The following HIPK4 variants were observed in gnomAD, a reference collection of about 807,000 sequenced individuals.
The protein encoded by HIPK4 is homeodomain interacting protein kinase 4.
Under a neutral mutation model 44.8 loss-of-function variants are expected in HIPK4, and 26 were observed. The observed-to-expected ratio is 0.58, with a 90% CI of 0.43 to 0.80. The LOEUF (loss-of-function observed/expected upper bound fraction) is 0.80. HIPK4 is among the 30% of genes least tolerant of loss of function. The pLI is 0.00. For synonymous variants in HIPK4, 340 were observed against 355.5 expected, an observed-to-expected ratio of 0.96 and a Z score of 0.49; for missense variants, 729 against 862.6, an observed-to-expected ratio of 0.85 and a Z score of 1.94.
rs2079379969 is a variant in HIPK4 at position 40,389,775 on chromosome 19, T to A, written c.128A>T (p.Lys43Met). 3 of 1,614,070 alleles carry A rather than the reference T, an allele frequency of 1.9e-6. No homozygotes were observed. The highest frequency in any genetic ancestry group is 2.5e-6 in the Non-Finnish European group (3 of 1,180,044). ...TGEMVAIKIL[K>M]NDAYRNRIIK... ...GATGCGGTTGCGGTAGGCGTCATTCTTGAGGATCTTGATGGCCACCATCTC... is the reference window on the plus strand; with the variant it reads ...GATGCGGTTGCGGTAGGCGTCATTCATGAGGATCTTGATGGCCACCATCTC... The change falls in exon 1 of 4, where the codon AAG becomes ATG. Residue 43 changes from lysine to methionine, a missense_variant. Lys to Met is a moderately conservative substitution (Grantham distance 95). Transcript: ENST00000291823. The surrounding 1 kb of genome is among the most constrained non-coding windows in gnomAD (Gnocchi z 4.6).
chr19:40,381,449 CG>C (rs2079336306), intron 2 of HIPK4, among the ~76,000 whole-genome samples: 2 of 152,194 alleles, frequency 1.3e-5, no homozygotes, highest in Non-Finnish European at 2.9e-5. Context: ...AAGGGCTGCC[CG>C]GAATCTCTAG....
chr19:40,379,748 C>G lies in HIPK4; in HGVS notation c.1690G>C (p.Asp564His). The G allele has an allele frequency of 3.1e-6, 5 of 1,611,840 alleles. No individual in the cohort carries two copies. Among genetic ancestry groups the G allele is most frequent in the Non-Finnish European group, 4.2e-6 (5 of 1,179,360 alleles). ...EAERPDPELF[D>H]PSSCPGEWLS... ...CATTCTCCAGGACAGCTGCTGGGGT[C>G]GAAGAGCTCAGGGTCTGGCCTCTGT... Residue 564 changes from aspartate to histidine, a missense_variant, in exon 4 of 4, where the codon GAC (aspartate) becomes CAC (histidine). Physicochemically the swap from Asp to His is moderately conservative, Grantham distance 81. Coordinates refer to ENST00000291823, the MANE Select transcript of HIPK4 (RefSeq NM_144685.5).
Position 40,380,883 on chromosome 19 carries a change from G to A in HIPK4, c.1108C>T (p.Arg370Cys), listed in dbSNP as rs776262262. ...HYYQLSLRSY[R>C]LSLQVEGKPP... ...TTCCCCTCCACTTGCAGCGAGAGGCGGTAGCTGCGCAGCGAGAGCTGGTAG... is the reference window on the plus strand; with the variant it reads ...TTCCCCTCCACTTGCAGCGAGAGGCAGTAGCTGCGCAGCGAGAGCTGGTAG... Residue 370 changes from arginine (R) to cysteine (C), a missense_variant, in exon 3 of 4, where the codon CGC becomes TGC. By Grantham distance (180) the Arg-to-Cys change is radical. Coordinates refer to ENST00000291823, the MANE Select transcript of HIPK4 (RefSeq NM_144685.5). The surrounding 1 kb of genome is among the most constrained non-coding windows in gnomAD (Gnocchi z 4.2). 5 of 1,607,300 alleles carry A rather than the reference G, an allele frequency of 3.1e-6. No individual in the cohort carries two copies. The highest frequency in any genetic ancestry group is 2.2e-5 in the East Asian group (1 of 44,674).
Position 40,389,600 on chromosome 19 carries a change from C to T in HIPK4, c.303G>A (p.Lys101=). The T allele has an allele frequency of 6.2e-7, 1 of 1,614,138 alleles. No individual in the cohort carries two copies. The highest frequency in any genetic ancestry group is 8.5e-7 in the Non-Finnish European group (1 of 1,180,030). The stretch of plus-strand genomic sequence containing the variant: ...CGGGGAGGGGCGCGAAGTTGTTCTC[C>T]TTCTGGAACTCGAAAAGGTTTTGCT... ...LLEQNLFEFQ[K]ENNFAPLPAR... Residue 101 remains lysine (K), a synonymous_variant, in exon 1 of 4, where the codon AAG becomes AAA. Transcript: ENST00000291823. The surrounding 1 kb of genome is among the most constrained non-coding windows in gnomAD (Gnocchi z 4.6).
chr19:40,390,063 C>A lies in HIPK4; in HGVS notation c.-161G>T. 1 of 608,710 alleles carries A rather than the reference C, an allele frequency of 1.6e-6. No individual in the cohort carries two copies. The highest frequency in any genetic ancestry group is 2.9e-6 in the Non-Finnish European group (1 of 344,544). 37.7% of individuals were successfully genotyped at this position (608,710 alleles called of 1,614,324 possible). On this transcript the variant is annotated 5_prime_UTR_variant, in exon 1 of 4. Transcript: ENST00000291823. ...GAGGTTGGCCCCTGCTTCCCTGGCA[C>A]CCCCAAACCCCCAGGCCACACTGTC...
chr19:40,380,045 A>G lies in HIPK4; in HGVS notation c.1669-276T>C, dbSNP rs973394002. Among the ~76,000 whole-genome samples, 1 of 152,072 alleles carries G rather than the reference A, an allele frequency of 6.6e-6. No homozygotes were observed. Among genetic ancestry groups the G allele is most frequent in the Non-Finnish European group, 1.5e-5 (1 of 67,998 alleles). On this transcript the variant is annotated intron_variant, in intron 3 of 3. Coordinates refer to ENST00000291823, the MANE Select transcript of HIPK4 (RefSeq NM_144685.5). The surrounding 1 kb of genome is among the most constrained non-coding windows in gnomAD (Gnocchi z 4.2). ...TTTCTAATTTTTTGGTGCAGACGGG[A>G]TCTCACTATGTTGCCCAGGCTCTTT...
chr19:40,385,526 A>G (rs2079358506), intron 1 of HIPK4, among the ~76,000 whole-genome samples: 1 of 151,946 alleles, frequency 6.6e-6, no homozygotes, highest in Non-Finnish European at 1.5e-5. Flanking sequence ...GTCTTTACTC[A>G]AATGTCACCT....
chr19:40,379,774 G>C lies in HIPK4; in HGVS notation c.1669-5C>G, dbSNP rs749021297. On this transcript the variant is annotated splice_region_variant and splice_polypyrimidine_tract_variant and intron_variant, in intron 3 of 3. Coordinates refer to ENST00000291823, the MANE Select transcript of HIPK4 (RefSeq NM_144685.5). ...GAAGAGCTCAGGGTCTGGCCTCTGT[G>C]GGGGAAGAGAGAGGGGCATCAGCCA... 6.2e-7 allele frequency: 1 copy of C among 1,606,422 alleles called. No homozygotes were observed.
chr19:40,389,281 G>A lies in HIPK4; in HGVS notation c.465+157C>T, dbSNP rs186203250. 1.4e-4 allele frequency among the ~76,000 whole-genome samples: 22 copies of A among 152,012 alleles called. No homozygotes were observed. The highest frequency in any genetic ancestry group is 7.7e-4 in the East Asian group (4 of 5,174). On this transcript the variant is annotated intron_variant, in intron 1 of 3. Coordinates refer to ENST00000291823, the MANE Select transcript of HIPK4 (RefSeq NM_144685.5). This position sits in a 1 kb window ranked among gnomAD's most constrained non-coding sequence, Gnocchi z 4.6. The stretch of plus-strand genomic sequence containing the variant: ...CGGAGTTGCAGTGAGCTGAGATTGT[G>A]CCACTGCACTCAAGCCTGGGTAACA...
In HIPK4 at chr19:40,389,680, A is replaced by G; in HGVS notation, c.223T>C (p.Phe75Leu). ...LDPEEAHVIR[F>L]LEFFHDALKF... ...AGGGCGTCATGGAAGAACTCAAGGA[A>G]GCGGATGACGTGGGCCTCTTCAGGG... Residue 75 changes from phenylalanine to leucine, a missense_variant, in exon 1 of 4, where the codon TTC (phenylalanine) becomes CTC (leucine). By Grantham distance (22) the Phe-to-Leu change is conservative. Transcript: ENST00000291823. This position sits in a 1 kb window ranked among gnomAD's most constrained non-coding sequence, Gnocchi z 4.6. 6.2e-7 allele frequency: 1 copy of G among 1,614,208 alleles called. No homozygotes were observed. The highest frequency in any genetic ancestry group is 8.5e-7 in the Non-Finnish European group (1 of 1,180,020).
chr19:40,385,468 A>G (rs1212516490), intron 1 of HIPK4, among the ~76,000 whole-genome samples: 1 of 152,042 alleles, frequency 6.6e-6, no homozygotes, highest in Admixed American at 6.6e-5. Flanking sequence ...TCTGCCTGGA[A>G]TGCTCTTCCC....
At chr19:40,383,677 C>T (rs970660441) in intron 2 of HIPK4, 106 bp downstream of exon 2, 1 of 872,108 alleles carries the variant, frequency 1.1e-6, no homozygotes, top group South Asian at 1.6e-5. Flanking sequence ...CCACCACAGC[C>T]TCCCAAAGTG....
chr19:40,386,999 C>T (rs1256270519), intron 1 of HIPK4, among the ~76,000 whole-genome samples: 1 of 151,852 alleles, frequency 6.6e-6, no homozygotes, highest in Non-Finnish European at 1.5e-5. Flanking sequence ...GGACTACAGT[C>T]ACATGCCACC....
intron 2 of HIPK4, among the ~76,000 whole-genome samples, chr19:40,381,827 CAG>C (rs2079338721): frequency 8.9e-6 from 1 of 112,192 alleles, no homozygotes; most frequent in Non-Finnish European, 1.7e-5. Context: ...GTGTGTGAGA[CAG>C]AGTTTCACTC....
At chr19:40,381,272 C>A (rs962885733) in intron 2 of HIPK4, 104 bp from the exon 3 acceptor site, 1 of 934,918 alleles carries the variant, frequency 1.1e-6, no homozygotes. Context: ...TCCAGGTCTG[C>A]CCATGATCTG....
chr19:40,380,385 G>A lies in HIPK4; in HGVS notation c.1606C>T (p.Leu536=). The change falls in exon 3 of 4, where the codon CTG becomes TTG. Residue 536 remains leucine (L), a synonymous_variant. Coordinates refer to ENST00000291823, the MANE Select transcript of HIPK4 (RefSeq NM_144685.5). The surrounding 1 kb of genome is among the most constrained non-coding windows in gnomAD (Gnocchi z 4.2). ...TCCTCATCTCGCTGCAGGATGGCCAGTGGCTCAGCAGAGGCCCCGAGATGC... is the reference window on the plus strand; with the variant it reads ...TCCTCATCTCGCTGCAGGATGGCCAATGGCTCAGCAGAGGCCCCGAGATGC... The part of the protein sequence containing the change: ...GEHLGASAEP[L]AILQRDEDGP... The A allele has an allele frequency of 6.2e-7, 1 of 1,614,240 alleles. No individual in the cohort carries two copies. Among genetic ancestry groups the A allele is most frequent in the Non-Finnish European group, 8.5e-7 (1 of 1,180,048 alleles).
chr19:40,379,795 A>G (rs1244163654), intron 3 of HIPK4, 26 bp from the exon 4 acceptor site: 1 of 1,599,146 alleles, frequency 6.3e-7, no homozygotes, highest in Admixed American at 1.8e-5. Flanking sequence ...GAGGGGCATC[A>G]GCCAAGCAGT....
At position 40,379,692 on chromosome 19, in the gene HIPK4, G is replaced by T; in HGVS notation, c.1746C>A (p.Ser582Arg). ...WLSEPDCTLE[S>R]VRGPRAQGLP... The stretch of plus-strand genomic sequence containing the variant: ...GCCCCTGAGCCCGTGGGCCCCTGAC[G>T]CTCTCCAGGGTGCAGTCTGGCTCAC... Residue 582 changes from serine (S) to arginine (R), a missense_variant, in exon 4 of 4, where the codon AGC becomes AGA. Around this residue, in one of 2 missense-constraint regions of HIPK4, gnomAD observed 533 missense variants for 567.5 expected, o/e 0.94. Coordinates refer to ENST00000291823, the MANE Select transcript of HIPK4 (RefSeq NM_144685.5). The T allele has an allele frequency of 6.3e-7, 1 of 1,598,424 alleles. No homozygotes were observed.
Position 40,389,075 on chromosome 19 carries a change from C to T in HIPK4, c.465+363G>A, listed in dbSNP as rs1047221059. Among the ~76,000 whole-genome samples the T allele has an allele frequency of 6.6e-6, 1 of 151,894 alleles. No homozygotes were observed. Among genetic ancestry groups the T allele is most frequent in the Non-Finnish European group, 1.5e-5 (1 of 67,988 alleles). ...GCGGGCACCTGTATTCCCAGCTACT[C>T]AGGAGGCTGAGGCAGGAGAATCGCT... On this transcript the variant is annotated intron_variant, in intron 1 of 3. Transcript: ENST00000291823. This position sits in a 1 kb window ranked among gnomAD's most constrained non-coding sequence, Gnocchi z 4.6.
Sources: allele counts gnomAD v4.1 joint callset (sites outside exome capture counted in the v4.1 genomes callset), GRCh38; gene constraint gnomAD v4.1.1; regional missense constraint gnomAD v4.1.1; non-coding constraint Gnocchi (gnomAD v3.1); transcripts MANE v1.5; gene names NCBI Gene and HGNC (gene_info 2026-07-23, HGNC 2026-07-21).